SLAMF7: variants seen among roughly 807,000 people sequenced by gnomAD.
SLAMF7 encodes the protein SLAM family member 7.
SLAMF7 carries 26 observed loss-of-function variants against 34.1 expected under a neutral mutation model. The ratio of observed to expected loss-of-function variants is 0.76; its 90% CI spans 0.56 to 1.06. The LOEUF is 1.06. SLAMF7 is among the 50% of genes least tolerant of loss of function. The pLI is 0.00. For synonymous variants in SLAMF7, 171 were observed against 156.4 expected, an observed-to-expected ratio of 1.09 and a Z score of -0.70; for missense variants, 399 against 402.5, an observed-to-expected ratio of 0.99 and a Z score of 0.07.
intron 6 of SLAMF7, among the ~76,000 whole-genome samples, 194 bp downstream of exon 6, chr1:160,752,442 G>A (rs745492882): frequency 1.2e-4 from 18 of 152,172 alleles, no homozygotes; most frequent in Admixed American, 9.2e-4. Context: ...TTTAGGAATC[G>A]AATTGGGTAA....
intron 1 of SLAMF7, among the ~76,000 whole-genome samples, chr1:160,743,271 G>C (rs1663882419): frequency 6.6e-6 from 1 of 152,208 alleles, no homozygotes; most frequent in Admixed American, 6.5e-5. Context: ...CTTTGAATTA[G>C]ATACAGGGTT....
In SLAMF7 at chr1:160,753,930, G is replaced by A. The variant is rs1201497612; in HGVS notation, c.*753G>A. ...AGACACAGAAGTGTGCATGGCCCAA[G>A]GACAAGGACCTCCAGCCAGGCTTCA... On this transcript the variant is annotated 3_prime_UTR_variant, in exon 7 of 7. Transcript: ENST00000368043. 2.6e-5 allele frequency: 4 copies of A among 152,438 alleles called. No individual in the cohort carries two copies. Among genetic ancestry groups the A allele is most frequent in the African/African-American group, 9.6e-5 (4 of 41,458 alleles). 9.4% of individuals were successfully genotyped at this position (152,438 alleles called of 1,614,324 possible).
chr1:160,751,761 A>G (rs1467557829), intron 5 of SLAMF7: 2 of 215,794 alleles, frequency 9.3e-6, no homozygotes, highest in African/African-American at 2.3e-5. Flanking sequence ...AGTGGGTAGA[A>G]GAGTGTGACT....
chr1:160,747,776 G>T (rs1434644956), intron 1 of SLAMF7, among the ~76,000 whole-genome samples: 2 of 152,178 alleles, frequency 1.3e-5, no homozygotes, highest in Admixed American at 6.5e-5. Context: ...TCACTGCTCT[G>T]TGTTATTCCC....
intron 1 of SLAMF7, among the ~76,000 whole-genome samples, chr1:160,744,093 C>T (rs1428665770): frequency 1.3e-5 from 2 of 152,176 alleles, no homozygotes; most frequent in African/African-American, 4.8e-5. Flanking sequence ...ACCCTCAGCT[C>T]CTAAACAATG....
intron 1 of SLAMF7, among the ~76,000 whole-genome samples, chr1:160,743,354 A>G (rs1337368124): frequency 6.6e-6 from 1 of 152,162 alleles, no homozygotes; most frequent in East Asian, 1.9e-4. Context: ...TGAGCTGAGG[A>G]TCAGGGGAGG....
chr1:160,752,922 G>A (rs75578816), intron 6 of SLAMF7, among the ~76,000 whole-genome samples, 184 bp from the exon 7 acceptor site: 40 of 152,262 alleles, frequency 2.6e-4, no homozygotes, highest in African/African-American at 7.5e-4. Context: ...ATAAATATGC[G>A]TTAAACTTAC....
In SLAMF7 at chr1:160,748,271, G is replaced by A. The variant is rs1664289209; in HGVS notation, c.133G>A (p.Val45Ile). The change falls in exon 2 of 7, where the codon GTA becomes ATA. Residue 45 changes from valine (V) to isoleucine (I), a missense_variant. Transcript: ENST00000368043. ...CGTGACTTTCCCCCTGAAGTCCAAA[G>A]TAAAGCAAGTTGACTCTATTGTCTG... ...GAVTFPLKSKVKQVDSIVWTF... is the reference protein window; with the variant it reads ...GAVTFPLKSKIKQVDSIVWTF... The A allele has an allele frequency of 1.2e-6, 2 of 1,614,096 alleles. No individual in the cohort carries two copies. The highest frequency in any genetic ancestry group is 1.7e-6 in the Non-Finnish European group (2 of 1,179,966).
At chr1:160,739,472 A>G in intron 1 of SLAMF7, 116 bp downstream of exon 1, 1 of 845,546 alleles carries the variant, frequency 1.2e-6, no homozygotes, top group Admixed American at 2.5e-5. Context: ...GTTCTCATCT[A>G]ACATTTGCTT....
At chr1:160,749,605 C>T (rs145820961) in intron 2 of SLAMF7, among the ~76,000 whole-genome samples, 243 of 152,226 alleles carry the variant, frequency 1.6e-3, no homozygotes, top group African/African-American at 5.7e-3. Context: ...TCTATTATTT[C>T]TATTGTTGTT....
chr1:160,748,607 A>T (rs1664318131), intron 2 of SLAMF7, 93 bp downstream of exon 2: 6 of 1,201,678 alleles, frequency 5.0e-6, no homozygotes, highest in Admixed American at 2.4e-5. Context: ...CTGAATAAAC[A>T]CTTGGCAAGA....
Position 160,750,233 on chromosome 1 carries a change from G to C in SLAMF7, c.650-71G>C. On this transcript the variant is annotated intron_variant, in intron 3 of 6. Transcript: ENST00000368043. ...CCAGGCTGGGAGGAAGGTGGCAGGT[G>C]CTCCAAGACCTGGGTCGTTTTCCTG... is the stretch of plus-strand genomic sequence containing the variant. 3 of 1,588,018 alleles carry C rather than the reference G, an allele frequency of 1.9e-6. No individual in the cohort carries two copies. In the South Asian group the frequency reaches 3.5e-5, roughly 18 times the overall value.
chr1:160,739,569 G>A, intron 1 of SLAMF7: 1 of 493,290 alleles, frequency 2.0e-6, no homozygotes, highest in Non-Finnish European at 3.6e-6. Flanking sequence ...CTCCCCTGTT[G>A]ACTGTCCCAG....
At chr1:160,739,793 A>G (rs995835189) in intron 1 of SLAMF7, 1 of 157,498 alleles carries the variant, frequency 6.3e-6, no homozygotes, top group Non-Finnish European at 1.4e-5. Flanking sequence ...AAAATTGGTT[A>G]TGCATAACAG....
chr1:160,751,703 A>C (rs1165583448), intron 5 of SLAMF7: 5 of 388,524 alleles, frequency 1.3e-5, no homozygotes, highest in African/African-American at 2.0e-5. Context: ...GCTCCCCTCC[A>C]CAGTTCATAA....
At chr1:160,740,481 G>A (rs1663655585) in intron 1 of SLAMF7, among the ~76,000 whole-genome samples, 1 of 152,152 alleles carries the variant, frequency 6.6e-6, no homozygotes, top group Non-Finnish European at 1.5e-5. Flanking sequence ...TCCAGAGGCA[G>A]CCTGTGTAGT....
rs781039766 is a variant in SLAMF7, at chr1:160,753,118, C to T, written c.949C>T (p.His317Tyr). 5.6e-6 allele frequency: 9 copies of T among 1,613,606 alleles called. No individual in the cohort carries two copies. The highest frequency in any genetic ancestry group is 3.4e-6 in the Non-Finnish European group (4 of 1,179,952). Residue 317 changes from histidine to tyrosine, a missense_variant, in exon 7 of 7, where the codon CAC becomes TAC. Coordinates refer to ENST00000368043, the MANE Select transcript of SLAMF7 (RefSeq NM_021181.5). ...VEIPKKMENPHSLLTMPDTPR... is the reference protein window; with the variant it reads ...VEIPKKMENPYSLLTMPDTPR... ...TGTCTGTCTTCAGATGGAAAATCCC[C>T]ACTCACTGCTCACGATGCCAGACAC... is the stretch of plus-strand genomic sequence containing the variant.
chr1:160,750,106 C>A lies in SLAMF7; in HGVS notation c.649+13C>A, dbSNP rs370977426. 37 of 1,611,906 alleles carry A rather than the reference C, an allele frequency of 2.3e-5. No individual in the cohort carries two copies. The highest frequency in any genetic ancestry group is 3.1e-5 in the Non-Finnish European group (36 of 1,178,830). On this transcript the variant is annotated intron_variant, in intron 3 of 6. Coordinates refer to ENST00000368043, the MANE Select transcript of SLAMF7 (RefSeq NM_021181.5). ...AAGCTCTGTGAAGGTGACTGCCTCTCCCCTCTCCACAGGAGACTCTGCCCA... is the reference window on the plus strand; with the variant it reads ...AAGCTCTGTGAAGGTGACTGCCTCTACCCTCTCCACAGGAGACTCTGCCCA...
intron 1 of SLAMF7, among the ~76,000 whole-genome samples, chr1:160,747,765 C>T (rs944566979): frequency 2.6e-5 from 4 of 152,186 alleles, no homozygotes; most frequent in Non-Finnish European, 1.5e-5. Context: ...ACTAAATTCT[C>T]TCACTGCTCT....
Sources: gnomAD v4.1 joint callset for allele counts (sites outside exome capture counted in the v4.1 genomes callset) on GRCh38, gnomAD v4.1.1 for gene constraint, MANE v1.5 for transcripts, NCBI Gene and HGNC (gene_info 2026-07-23, HGNC 2026-07-21) for gene names.